The following CARF variants were observed in gnomAD, a reference collection of about 807,000 sequenced individuals.
CARF encodes the protein calcium-responsive transcription factor.
CARF carries 57 observed loss-of-function variants against 82.0 expected under a neutral mutation model. The observed-to-expected ratio is 0.70, with a 90% CI of 0.56 to 0.87. CARF has a LOEUF of 0.87. Ranked by LOEUF, CARF falls within the 40% of genes least tolerant of loss-of-function variation. The probability of loss-of-function intolerance (pLI) is 0.00; values close to 1 mark genes in which losing one functional copy is unlikely to be tolerated. For synonymous variants in CARF, 268 were observed against 290.1 expected (o/e 0.92, Z 0.77); for missense variants, 771 against 855.8 (o/e 0.90, Z 1.24).
At chr2:202,937,490 C>T (rs1346356105) in intron 3 of CARF, among the ~76,000 whole-genome samples, 1 of 151,400 alleles carries the variant, frequency 6.6e-6, no homozygotes, top group Non-Finnish European at 1.5e-5. Context: ...GTGCTTTATT[C>T]AGTTACCTAA....
chr2:202,916,076 T>C (rs191410589), intron 1 of CARF, among the ~76,000 whole-genome samples: 3 of 152,262 alleles, frequency 2.0e-5, no homozygotes, highest in Admixed American at 1.3e-4. Flanking sequence ...TCATAGTAAT[T>C]TTGTACATAT....
rs538971879 is a variant in CARF at position 202,923,526 on chromosome 2, T to A, written c.-162-771T>A. On this transcript the variant is annotated intron_variant, in intron 2 of 16. Transcript: ENST00000438828. ...CATGTTCATGGATGGGTAGAATCAG[T>A]ACTGTGAAAATGACCATACTGCCAA... is the stretch of plus-strand genomic sequence containing the variant. Among the ~76,000 whole-genome samples, 6 of 152,300 alleles carry A rather than the reference T, an allele frequency of 3.9e-5. No homozygotes were observed. The South Asian group carries it at 1.2e-3, about 32-fold the overall frequency.
At chr2:202,933,643 CG>C (rs1693385233) in intron 3 of CARF, among the ~76,000 whole-genome samples, 1 of 126,572 alleles carries the variant, frequency 7.9e-6, no homozygotes, top group Non-Finnish European at 1.9e-5. Context: ...TTTCTGTGCT[CG>C]TCAATGCTCT....
intron 6 of CARF, 70 bp downstream of exon 6, chr2:202,952,749 T>C: frequency 1.3e-6 from 2 of 1,483,312 alleles, no homozygotes; most frequent in Non-Finnish European, 9.1e-7. Context: ...AAAATCACCT[T>C]ATGAAAGTCA....
intron 14 of CARF, among the ~76,000 whole-genome samples, chr2:202,980,617 TATATATATATATATA>T (rs1369904182): frequency 0.017 from 526 of 30,640 alleles, 15 homozygotes; most frequent in Middle Eastern, 0.054. Flanking sequence ...GTCTTTCAAG[TATATATATATATATA>T]TATATATATA....
At chr2:202,959,700 T>C (rs1038991052) in intron 8 of CARF, among the ~76,000 whole-genome samples, 1 of 151,936 alleles carries the variant, frequency 6.6e-6, no homozygotes, top group African/African-American at 2.4e-5. Context: ...TCCCAGCTAC[T>C]TGGGAGGCTG....
At chr2:202,967,196 T>C in intron 10 of CARF, 98 bp downstream of exon 10, 1 of 1,303,628 alleles carries the variant, frequency 7.7e-7, no homozygotes, top group Non-Finnish European at 1.0e-6. Flanking sequence ...CCAAAAAGTA[T>C]ACAGTGAATT....
intron 3 of CARF, among the ~76,000 whole-genome samples, chr2:202,938,935 C>T (rs2058084707): frequency 6.6e-6 from 1 of 152,046 alleles, no homozygotes; most frequent in Non-Finnish European, 1.5e-5. Flanking sequence ...TACCATGTTG[C>T]TATTAAGAAG....
At chr2:202,915,970 T>C (rs1689561130) in intron 1 of CARF, among the ~76,000 whole-genome samples, 1 of 152,142 alleles carries the variant, frequency 6.6e-6, no homozygotes, top group Non-Finnish European at 1.5e-5. Context: ...AAAAGTTCGA[T>C]GTTTAACATA....
intron 9 of CARF, chr2:202,961,869 G>A (rs2059336734): frequency 1.0e-5 from 2 of 190,478 alleles, no homozygotes; most frequent in African/African-American, 4.8e-5. Flanking sequence ...ACAATCTAGA[G>A]TTATAGAATT....
chr2:202,945,066 A>C (rs899114606), intron 5 of CARF, among the ~76,000 whole-genome samples: 2 of 152,190 alleles, frequency 1.3e-5, no homozygotes, highest in Non-Finnish European at 2.9e-5. Context: ...GATTATAAGA[A>C]AGAATTTTCT....
chr2:202,927,483 A>G (rs1692072397), intron 3 of CARF, among the ~76,000 whole-genome samples: 1 of 152,142 alleles, frequency 6.6e-6, no homozygotes, highest in Non-Finnish European at 1.5e-5. Flanking sequence ...TGGTGAGAAT[A>G]TTTAAAATCT....
intron 5 of CARF, 131 bp downstream of exon 5, chr2:202,943,098 T>G: frequency 1.4e-6 from 1 of 727,470 alleles, no homozygotes; most frequent in Non-Finnish European, 2.2e-6. Context: ...TGAGATGGAG[T>G]TCCACTCTTG....
intron 5 of CARF, among the ~76,000 whole-genome samples, chr2:202,947,178 T>C (rs2058536451): frequency 6.6e-6 from 1 of 152,182 alleles, no homozygotes; most frequent in Non-Finnish European, 1.5e-5. Context: ...CATGGACATG[T>C]ATGTTTATTG....
chr2:202,929,033 A>G (rs1692391004), intron 3 of CARF, among the ~76,000 whole-genome samples: 1 of 152,078 alleles, frequency 6.6e-6, no homozygotes, highest in African/African-American at 2.4e-5. Context: ...CCTGGCCTGT[A>G]TATCTTCTTT....
At chr2:202,920,157 C>CTTT (rs969806621) in intron 2 of CARF, among the ~76,000 whole-genome samples, 2 of 142,358 alleles carry the variant, frequency 1.4e-5, no homozygotes, top group Non-Finnish European at 1.5e-5. Flanking sequence ...AATTCATAAT[C>CTTT]TTTTTTTTTT....
intron 12 of CARF, 80 bp downstream of exon 12, chr2:202,971,818 T>C (rs1249334937): frequency 1.0e-6 from 1 of 975,812 alleles, no homozygotes; most frequent in East Asian, 2.6e-5. Context: ...ATTGGAGATA[T>C]TTTCCAAAAT....
intron 10 of CARF, among the ~76,000 whole-genome samples, chr2:202,968,779 A>T (rs1559263740): frequency 6.6e-6 from 1 of 152,248 alleles, no homozygotes. Flanking sequence ...CAGGGAACGG[A>T]TCAGGAAACA....
chr2:202,927,862 G>A (rs879860667), intron 3 of CARF, among the ~76,000 whole-genome samples: 2 of 150,260 alleles, frequency 1.3e-5, no homozygotes, highest in Non-Finnish European at 3.0e-5. Flanking sequence ...TGCCAGCGGC[G>A]TGATCACAAC....
Sources: allele counts gnomAD v4.1 joint callset (sites outside exome capture counted in the v4.1 genomes callset), GRCh38; gene constraint gnomAD v4.1.1; transcripts MANE v1.5; gene names NCBI Gene and HGNC (gene_info 2026-07-23, HGNC 2026-07-21).